The following DOCK1 variants were observed in gnomAD, a reference collection of about 807,000 sequenced individuals.
DOCK1 encodes dedicator of cytokinesis 1, also known as dedicator of cytokinesis protein 1.
Under a neutral mutation model 262.7 loss-of-function variants are expected in DOCK1, and 138 were observed. The ratio of observed to expected loss-of-function variants is 0.53; its 90% CI spans 0.46 to 0.61. The LOEUF is 0.61. Ranked by LOEUF, DOCK1 falls within the 20% of genes least tolerant of loss-of-function variation. The pLI is 0.00. For missense variants in DOCK1, 1,908 were observed against 2,370.7 expected (o/e 0.80, Z 4.05); for synonymous variants, 866 against 867.4 (o/e 1.00, Z 0.03).
intron 33 of DOCK1, among the ~76,000 whole-genome samples, chr10:127,370,169 G>A (rs1452058462): frequency 6.6e-6 from 1 of 152,194 alleles, no homozygotes; most frequent in Non-Finnish European, 1.5e-5. Flanking sequence ...GGTGCCCTCT[G>A]CCTGCAGTAT....
chr10:127,364,174 C>G (rs1362664907), intron 33 of DOCK1, among the ~76,000 whole-genome samples: 1 of 152,102 alleles, frequency 6.6e-6, no homozygotes, highest in Non-Finnish European at 1.5e-5. Flanking sequence ...CTGGGCATGG[C>G]CATTTCGTCA....
At chr10:127,384,074 T>C (rs1476233987) in intron 37 of DOCK1, among the ~76,000 whole-genome samples, 2 of 152,198 alleles carry the variant, frequency 1.3e-5, no homozygotes, top group African/African-American at 4.8e-5. Context: ...CTCTTTGACC[T>C]GGTTTGTGGC....
chr10:127,318,910 G>A (rs2062400344), intron 29 of DOCK1, among the ~76,000 whole-genome samples: 1 of 152,206 alleles, frequency 6.6e-6, no homozygotes, highest in Admixed American at 6.5e-5. Flanking sequence ...CTGTGGGCAG[G>A]GAGGTCTGGG....
intron 12 of DOCK1, among the ~76,000 whole-genome samples, chr10:127,016,734 CACACACACACACACT>C (rs1244963902): frequency 5.7e-5 from 3 of 52,594 alleles, no homozygotes; most frequent in Non-Finnish European, 1.1e-4. Context: ...ACACACACAC[CACACACACACACACT>C]AACACAGATA....
chr10:127,127,893 A>G, intron 27 of DOCK1, 129 bp downstream of exon 27: 2 of 643,566 alleles, frequency 3.1e-6, no homozygotes, highest in Non-Finnish European at 4.7e-6. Context: ...GGTATATAAA[A>G]TGTCCTCATT....
At chr10:127,063,592 T>C (rs916399049) in intron 23 of DOCK1, among the ~76,000 whole-genome samples, 1 of 152,224 alleles carries the variant, frequency 6.6e-6, no homozygotes, top group African/African-American at 2.4e-5. Context: ...AGCTGTCTTA[T>C]TGTCCCAAGG....
chr10:127,107,471 G>C (rs2048600266), intron 24 of DOCK1, among the ~76,000 whole-genome samples: 1 of 152,148 alleles, frequency 6.6e-6, no homozygotes. Context: ...TCTGCTCCCA[G>C]GGCACCAACA....
chr10:127,426,545 A>G (rs1402111624), intron 47 of DOCK1, among the ~76,000 whole-genome samples: 1 of 152,236 alleles, frequency 6.6e-6, no homozygotes, highest in Non-Finnish European at 1.5e-5. Flanking sequence ...TAATTGATCT[A>G]GACCAAGGAA....
chr10:127,327,679 G>A (rs947588329), intron 29 of DOCK1, among the ~76,000 whole-genome samples: 2 of 152,126 alleles, frequency 1.3e-5, no homozygotes, highest in Non-Finnish European at 2.9e-5. Context: ...GACAGAAGCC[G>A]CCATCTCTTG....
intron 29 of DOCK1, among the ~76,000 whole-genome samples, chr10:127,266,477 C>CAAAA (rs1384541348): frequency 1.2e-5 from 1 of 80,156 alleles, no homozygotes; most frequent in Non-Finnish European, 2.7e-5. Context: ...AGCTAAGTAC[C>CAAAA]AAAACACACA....
intron 38 of DOCK1, among the ~76,000 whole-genome samples, chr10:127,387,075 C>A (rs1357701768): frequency 6.6e-6 from 1 of 152,152 alleles, no homozygotes; most frequent in Non-Finnish European, 1.5e-5. Flanking sequence ...CTGGGGTGGC[C>A]GGGAGGCCCG....
chr10:126,944,618 T>C (rs1009685718), intron 1 of DOCK1, among the ~76,000 whole-genome samples: 110,466 of 151,792 alleles, frequency 0.73, 41,134 homozygotes, highest in African/African-American at 0.86. Context: ...ACACCAAGCC[T>C]GAGGAGGAAG....
At position 127,154,059 on chromosome 10, in the gene DOCK1, C is replaced by T. The variant is rs942565250; in HGVS notation, c.2847+26295C>T. 4.6e-6 allele frequency: 3 copies of T among 648,062 alleles called. No individual in the cohort carries two copies. The African/African-American group carries it at 5.4e-5, about 12-fold the overall frequency. 40.1% of individuals were successfully genotyped at this position (648,062 alleles called of 1,614,324 possible). A position where few individuals can be genotyped will look rare whatever the true frequency, so the allele number is the denominator to read the frequency against. On this transcript the variant is annotated intron_variant, in intron 27 of 51. Transcript: ENST00000623213. ...TGGAAATTGATTAATGCATGCTTCC[C>T]AGTTTGCTCCTGTCTCTGCTTTCGT...
chr10:127,013,630 T>C (rs552403164), intron 12 of DOCK1: 1 of 152,344 alleles, frequency 6.6e-6, no homozygotes, highest in Admixed American at 6.5e-5. Context: ...GCCAGGATCT[T>C]TGAAGCCGGC....
At chr10:127,104,735 G>A (rs954073426) in intron 23 of DOCK1, among the ~76,000 whole-genome samples, 25 of 152,176 alleles carry the variant, frequency 1.6e-4, no homozygotes, top group African/African-American at 5.1e-4. Context: ...GTAGAAGGTG[G>A]CAGAGCCAGA....
intron 29 of DOCK1, among the ~76,000 whole-genome samples, chr10:127,297,791 C>G (rs2148376): frequency 6.6e-6 from 1 of 151,940 alleles, no homozygotes. Flanking sequence ...AGGGGAAATG[C>G]GGGAAGCATT....
intron 1 of DOCK1, among the ~76,000 whole-genome samples, chr10:126,915,438 G>A (rs1216125455): frequency 1.3e-5 from 2 of 148,356 alleles, no homozygotes; most frequent in African/African-American, 2.5e-5. Context: ...GGCGGGGGGG[G>A]GATGGAGTCT....
At chr10:127,054,633 CT>C (rs1564767049) in intron 22 of DOCK1, among the ~76,000 whole-genome samples, 2 of 152,200 alleles carry the variant, frequency 1.3e-5, no homozygotes, top group Non-Finnish European at 2.9e-5. Flanking sequence ...CTGGCCCCCC[CT>C]GCCTTGCTGT....
chr10:127,261,209 GCATGTGTGTGCA>G (rs1426520903), intron 29 of DOCK1, among the ~76,000 whole-genome samples: 3 of 73,604 alleles, frequency 4.1e-5, no homozygotes, highest in East Asian at 4.7e-4. Flanking sequence ...GTGTGTACCT[GCATGTGTGTGCA>G]TGTGGGTGTG....
Sources: allele counts gnomAD v4.1 joint callset (sites outside exome capture counted in the v4.1 genomes callset), GRCh38; gene constraint gnomAD v4.1.1; transcripts MANE v1.5; gene names NCBI Gene and HGNC (gene_info 2026-07-23, HGNC 2026-07-21).